Variants in GPC6 observed in about 807,000 individuals in gnomAD.
GPC6 encodes the protein glypican-6.
GPC6 carries 14 observed loss-of-function variants against 55.2 expected under a neutral mutation model. The observed-to-expected ratio is 0.25, with a 90% CI of 0.17 to 0.40. The LOEUF (loss-of-function observed/expected upper bound fraction) is 0.40, where lower values mean the gene tolerates loss of function less well. GPC6 is among the 10% of genes least tolerant of loss of function. The pLI is 1.00. For missense variants in GPC6, 641 were observed against 708.5 expected (o/e 0.90, Z 1.08); for synonymous variants, 278 against 259.6 (o/e 1.07, Z -0.68).
chr13:94,331,579 T>G (rs1201090919), intron 6 of GPC6, among the ~76,000 whole-genome samples: 1 of 152,118 alleles, frequency 6.6e-6, no homozygotes, highest in Non-Finnish European at 1.5e-5. Context: ...CAAAGAGAGG[T>G]TCATCCTTGT....
chr13:94,221,007 A>G (rs933317233), intron 4 of GPC6, among the ~76,000 whole-genome samples: 1 of 152,074 alleles, frequency 6.6e-6, no homozygotes, highest in African/African-American at 2.4e-5. Flanking sequence ...ATCGGTTAGG[A>G]CCCAAAGTTT....
chr13:93,292,736 C>T (rs1192316811), intron 1 of GPC6, among the ~76,000 whole-genome samples: 1 of 141,456 alleles, frequency 7.1e-6, no homozygotes, highest in Non-Finnish European at 1.5e-5. Flanking sequence ...TCATTCTTTT[C>T]CCTATAGTAA....
chr13:93,481,049 G>T (rs990951040), intron 1 of GPC6, among the ~76,000 whole-genome samples: 4 of 152,106 alleles, frequency 2.6e-5, no homozygotes, highest in African/African-American at 9.7e-5. Context: ...GCATTTTTCA[G>T]TGCTACTAGC....
At chr13:94,013,152 T>G (rs1882312931) in intron 3 of GPC6, among the ~76,000 whole-genome samples, 1 of 152,098 alleles carries the variant, frequency 6.6e-6, no homozygotes, top group Non-Finnish European at 1.5e-5. Flanking sequence ...TGTATTTAAC[T>G]AGCAGAAAGA....
chr13:94,064,873 G>A (rs1409404843), intron 4 of GPC6, among the ~76,000 whole-genome samples: 1 of 151,822 alleles, frequency 6.6e-6, no homozygotes, highest in Non-Finnish European at 1.5e-5. Flanking sequence ...AAGTACTCTT[G>A]GTATCTTCTC....
chr13:93,993,295 C>CTTT (rs545224527), intron 3 of GPC6, among the ~76,000 whole-genome samples: 49 of 139,870 alleles, frequency 3.5e-4, no homozygotes, highest in East Asian at 3.3e-3. Flanking sequence ...TTCTTTCTTT[C>CTTT]TTTTTTTTTT....
intron 4 of GPC6, among the ~76,000 whole-genome samples, chr13:94,267,461 A>G (rs976767124): frequency 2.0e-5 from 3 of 152,208 alleles, no homozygotes; most frequent in African/African-American, 7.2e-5. Context: ...ATAATATGCA[A>G]GCAGTAGACA....
intron 2 of GPC6, among the ~76,000 whole-genome samples, chr13:93,723,153 A>G (rs932902695): frequency 2.6e-5 from 4 of 151,970 alleles, no homozygotes; most frequent in Non-Finnish European, 5.9e-5. Flanking sequence ...TTTACTTTTT[A>G]AAATCCCCTT....
intron 1 of GPC6, among the ~76,000 whole-genome samples, chr13:93,323,890 C>CA (rs1265734806): frequency 2.0e-5 from 3 of 152,022 alleles, no homozygotes; most frequent in East Asian, 1.9e-4. Context: ...GGTGATTCCG[C>CA]AAAAAACTAA....
intron 4 of GPC6, among the ~76,000 whole-genome samples, chr13:94,042,712 G>A (rs1594689746): frequency 6.6e-6 from 1 of 151,864 alleles, no homozygotes; most frequent in East Asian, 1.9e-4. Context: ...TGTTTTTTAG[G>A]GAAAGTATTT....
At chr13:93,628,944 A>G (rs558817864) in intron 2 of GPC6, among the ~76,000 whole-genome samples, 17 of 152,040 alleles carry the variant, frequency 1.1e-4, no homozygotes, top group Non-Finnish European at 1.8e-4. Flanking sequence ...AGACTAAATA[A>G]GTTAGACCCA....
chr13:94,184,198 C>T (rs556471205), intron 4 of GPC6, among the ~76,000 whole-genome samples: 1 of 151,970 alleles, frequency 6.6e-6, no homozygotes, highest in East Asian at 1.9e-4. Flanking sequence ...AGGAAATATC[C>T]TTCTCAACAT....
intron 4 of GPC6, among the ~76,000 whole-genome samples, chr13:94,211,448 T>C (rs959282216): frequency 2.0e-5 from 3 of 152,186 alleles, no homozygotes; most frequent in African/African-American, 7.2e-5. Context: ...TCTCATAGCA[T>C]AGAAAGCAAA....
intron 7 of GPC6, among the ~76,000 whole-genome samples, chr13:94,392,102 A>T (rs1050090409): frequency 6.6e-6 from 1 of 152,186 alleles, no homozygotes; most frequent in African/African-American, 2.4e-5. Flanking sequence ...AGAGGTATAT[A>T]AATATCTGCT....
chr13:94,108,853 A>C (rs938076005), intron 4 of GPC6, among the ~76,000 whole-genome samples: 3 of 127,092 alleles, frequency 2.4e-5, no homozygotes, highest in South Asian at 4.7e-4. Flanking sequence ...AAAAAAAAAA[A>C]CAAAAAAAAA....
At chr13:93,226,210 T>G (rs141119651), upstream of GPC6, among the ~76,000 whole-genome samples, 487 of 152,242 alleles carry the variant, frequency 3.2e-3, 5 homozygotes, top group African/African-American at 0.011. Flanking sequence ...CCTCTGACCC[T>G]TGTGCTCTCC....
chr13:93,366,848 A>C (rs982409319), intron 1 of GPC6, among the ~76,000 whole-genome samples: 1 of 152,060 alleles, frequency 6.6e-6, no homozygotes, highest in African/African-American at 2.4e-5. Flanking sequence ...TTTATTTGTA[A>C]TAAAATCAGG....
At chr13:94,378,303 T>A (rs1374119203) in intron 6 of GPC6, among the ~76,000 whole-genome samples, 1 of 152,206 alleles carries the variant, frequency 6.6e-6, no homozygotes, top group African/African-American at 2.4e-5. Context: ...GTAAACTGAT[T>A]TTTTTAAGTC....
chr13:93,782,331 G>A (rs1417853131), intron 2 of GPC6, among the ~76,000 whole-genome samples: 4 of 151,918 alleles, frequency 2.6e-5, no homozygotes, highest in East Asian at 1.9e-4. Context: ...TCCATTCATC[G>A]TTACTAGACA....
Sources: allele counts gnomAD v4.1 joint callset (sites outside exome capture counted in the v4.1 genomes callset), GRCh38; gene constraint gnomAD v4.1.1; transcripts MANE v1.5; gene names NCBI Gene and HGNC (gene_info 2026-07-23, HGNC 2026-07-21).